Variants in MRTFB observed in about 807,000 individuals in gnomAD.
MRTFB encodes myocardin related transcription factor B.
Under a neutral mutation model 104.2 loss-of-function variants are expected in MRTFB, and 29 were observed. That is an observed-to-expected ratio of 0.28 (90% CI 0.21 to 0.38). The LOEUF (loss-of-function observed/expected upper bound fraction) is 0.38. Ranked by LOEUF, MRTFB falls within the 10% of genes least tolerant of loss-of-function variation. The probability of loss-of-function intolerance (pLI) is 1.00; values close to 1 mark genes in which losing one functional copy is unlikely to be tolerated. For missense variants in MRTFB, 1,270 were observed against 1,341.6 expected, an observed-to-expected ratio of 0.95 and a Z score of 0.83; for synonymous variants, 535 against 519.5, an observed-to-expected ratio of 1.03 and a Z score of -0.41.
At chr16:14,235,582 A>T (rs2042460892) in intron 9 of MRTFB, among the ~76,000 whole-genome samples, 1 of 152,192 alleles carries the variant, frequency 6.6e-6, no homozygotes, top group African/African-American at 2.4e-5. Flanking sequence ...TTGGTTAGAT[A>T]ATTCTAGGAC....
At chr16:14,027,516 AT>A in the MRTFB span, among the ~76,000 whole-genome samples, 1 of 152,230 alleles carries the variant, frequency 6.6e-6, no homozygotes, top group Admixed American at 6.5e-5. Context: ...TGCTAAAGAA[AT>A]TAAAATGAAT....
intron 8 of MRTFB, among the ~76,000 whole-genome samples, chr16:14,219,735 T>C (rs1202719200): frequency 6.6e-6 from 1 of 152,230 alleles, no homozygotes; most frequent in Non-Finnish European, 1.5e-5. Context: ...CTTTCAGCAT[T>C]ATTTTCTTCA....
intron 2 of MRTFB, among the ~76,000 whole-genome samples, chr16:14,130,460 A>C (rs371751248): frequency 3.0e-4 from 46 of 152,324 alleles, no homozygotes; most frequent in African/African-American, 9.6e-4. Context: ...TCAAAGGATT[A>C]ATGCATTTGT....
chr16:14,064,073 A>G, the MRTFB span, among the ~76,000 whole-genome samples: 1 of 152,188 alleles, frequency 6.6e-6, no homozygotes, highest in Non-Finnish European at 1.5e-5. Flanking sequence ...CAGTGGCTGA[A>G]CTAACTTATA....
At chr16:14,101,921 A>G (rs1596832695) in intron 2 of MRTFB, among the ~76,000 whole-genome samples, 1 of 152,190 alleles carries the variant, frequency 6.6e-6, no homozygotes, top group African/African-American at 2.4e-5. Context: ...CAGTGTCCCT[A>G]TTAGAAAGTT....
At chr16:14,196,974 T>C (rs1050165960) in intron 3 of MRTFB, among the ~76,000 whole-genome samples, 4 of 140,956 alleles carry the variant, frequency 2.8e-5, no homozygotes, top group South Asian at 4.9e-4. Flanking sequence ...CTTTTTTTTT[T>C]TTTTTTTTTT....
chr16:14,069,979 C>T (rs2033594205), upstream of MRTFB, among the ~76,000 whole-genome samples: 1 of 152,246 alleles, frequency 6.6e-6, no homozygotes, highest in African/African-American at 2.4e-5. Context: ...CATGCAAGGG[C>T]ACCCACATGC....
intron 3 of MRTFB, among the ~76,000 whole-genome samples, chr16:14,201,158 G>A (rs1026504918): frequency 1.3e-5 from 2 of 152,162 alleles, no homozygotes; most frequent in African/African-American, 4.8e-5. Flanking sequence ...CAGCAGTTGG[G>A]GCGAGAAAGT....
chr16:14,202,420 T>G (rs1243245915), intron 3 of MRTFB, among the ~76,000 whole-genome samples: 2 of 152,232 alleles, frequency 1.3e-5, no homozygotes, highest in Non-Finnish European at 2.9e-5. Flanking sequence ...CAGGGATTCT[T>G]AAATCAAGAT....
rs781670104 is a variant in MRTFB at position 14,247,123 on chromosome 16, A to T, written c.1863A>T (p.Pro621=). ...CCCTGGAAGCCCAGCCCAGTGCCCC[A>T]GGTCATTCTGTCAAGTCAGATCAGA... is the stretch of plus-strand genomic sequence containing the variant. ...QRPLEAQPSA[P]GHSVKSDQKH... is the part of the protein sequence containing the mutation. The change falls in exon 12 of 17, where the codon CCA becomes CCT. Residue 621 remains proline (P), a synonymous_variant. Coordinates refer to ENST00000571589, the MANE Select transcript of MRTFB (RefSeq NM_001308142.2). 6.2e-7 allele frequency: 1 copy of T among 1,614,170 alleles called. No homozygotes were observed. Among genetic ancestry groups the T allele is most frequent in the African/African-American group, 1.3e-5 (1 of 75,058 alleles).
chr16:14,071,551 G>A (rs541618962), intron 1 of MRTFB, among the ~76,000 whole-genome samples, 186 bp downstream of exon 1: 1 of 151,316 alleles, frequency 6.6e-6, no homozygotes, highest in South Asian at 2.1e-4. Context: ...GGGGCGGGGC[G>A]GCCGGGGCCG....
chr16:14,066,810 C>T (rs2033531473), upstream of MRTFB, among the ~76,000 whole-genome samples: 1 of 151,886 alleles, frequency 6.6e-6, no homozygotes, highest in Non-Finnish European at 1.5e-5. Flanking sequence ...ACTACAGGCA[C>T]AAACCACCAT....
At chr16:14,233,922 C>G (rs2042382827) in intron 8 of MRTFB, among the ~76,000 whole-genome samples, 1 of 152,014 alleles carries the variant, frequency 6.6e-6, no homozygotes, top group African/African-American at 2.4e-5. Context: ...GTCAGTCTAC[C>G]TTACTTGGCT....
At chr16:14,128,414 C>T (rs1420727299) in intron 2 of MRTFB, among the ~76,000 whole-genome samples, 1 of 152,126 alleles carries the variant, frequency 6.6e-6, no homozygotes, top group Non-Finnish European at 1.5e-5. Flanking sequence ...ACTGAAATAA[C>T]CGTTACTTTG....
At chr16:14,215,338 C>G (rs1454967490) in intron 6 of MRTFB, among the ~76,000 whole-genome samples, 1 of 152,088 alleles carries the variant, frequency 6.6e-6, no homozygotes, top group African/African-American at 2.4e-5. Flanking sequence ...AAACCACCAC[C>G]ACTCCCAACT....
the MRTFB span, among the ~76,000 whole-genome samples, chr16:14,058,155 C>G: frequency 6.6e-6 from 1 of 152,168 alleles, no homozygotes; most frequent in African/African-American, 2.4e-5. Flanking sequence ...GGGCAGCTTC[C>G]CGGGGGTGCC....
chr16:14,192,741 C>T (rs992488773), intron 3 of MRTFB, among the ~76,000 whole-genome samples: 2 of 152,172 alleles, frequency 1.3e-5, no homozygotes, highest in African/African-American at 4.8e-5. Flanking sequence ...CTGGGCCTCT[C>T]TTGTGCTGCA....
In MRTFB at chr16:14,239,095, G is replaced by A. The variant is rs574943223; in HGVS notation, c.832-1142G>A. 6.6e-5 allele frequency among the ~76,000 whole-genome samples: 10 copies of A among 152,268 alleles called. No individual in the cohort carries two copies. The East Asian group carries it at 1.3e-3, about 21-fold the overall frequency. ...CTCCAGCACCCCGCTGGCTATGTCC[G>A]TAAACTGTTATGTAAAAATGGCCAT... On this transcript the variant is annotated intron_variant, in intron 9 of 16. Transcript: ENST00000571589.
chr16:14,024,270 G>C, the MRTFB span, among the ~76,000 whole-genome samples: 4 of 152,310 alleles, frequency 2.6e-5, no homozygotes, highest in Admixed American at 2.0e-4. Context: ...AGTTGCTTAT[G>C]ATTAACTTTT....
Sources: gnomAD v4.1 joint callset for allele counts (sites outside exome capture counted in the v4.1 genomes callset) on GRCh38, gnomAD v4.1.1 for gene constraint, MANE v1.5 for transcripts, NCBI Gene and HGNC (gene_info 2026-07-23, HGNC 2026-07-21) for gene names.